ADGRL3: variants seen among roughly 807,000 people sequenced by gnomAD.
The protein encoded by ADGRL3 is calcium-independent alpha-latrotoxin receptor 3.
Under a neutral mutation model 153.5 loss-of-function variants are expected in ADGRL3, and 62 were observed. That is an observed-to-expected ratio of 0.40 (90% CI 0.33 to 0.50). The LOEUF (loss-of-function observed/expected upper bound fraction) is 0.50. Among genes scored for constraint, ADGRL3 ranks in the 20% least tolerant of loss-of-function variants. The probability of loss-of-function intolerance (pLI) is 0.47; values close to 1 mark genes in which losing one functional copy is unlikely to be tolerated. For missense variants in ADGRL3, 1,641 were observed against 1,859.4 expected (o/e 0.88, Z 2.16); for synonymous variants, 710 against 672.5 (o/e 1.06, Z -0.86).
intron 13 of ADGRL3, among the ~76,000 whole-genome samples, chr4:61,923,276 G>T (rs374187440): frequency 1.3e-5 from 2 of 152,118 alleles, no homozygotes; most frequent in Non-Finnish European, 1.5e-5. Flanking sequence ...TATAACTTCA[G>T]CTATTATCCT....
chr4:61,690,435 A>G (rs2095519934), intron 6 of ADGRL3, among the ~76,000 whole-genome samples: 1 of 147,120 alleles, frequency 6.8e-6, no homozygotes, highest in African/African-American at 2.5e-5. Flanking sequence ...ACCCTGTCTC[A>G]TTTTTTTTTT....
intron 9 of ADGRL3, among the ~76,000 whole-genome samples, chr4:61,829,650 T>C (rs1177804632): frequency 6.6e-6 from 1 of 152,180 alleles, no homozygotes; most frequent in African/African-American, 2.4e-5. Flanking sequence ...ACTGTACACT[T>C]AAAGTTAATT....
chr4:61,461,405 G>C (rs2097815981), intron 2 of ADGRL3, among the ~76,000 whole-genome samples: 1 of 152,014 alleles, frequency 6.6e-6, no homozygotes, highest in East Asian at 1.9e-4. Flanking sequence ...GAAATAATAA[G>C]TGTTTGAGGT....
intron 1 of ADGRL3, among the ~76,000 whole-genome samples, chr4:61,262,833 T>C (rs1250124597): frequency 6.6e-6 from 1 of 152,112 alleles, no homozygotes; most frequent in Non-Finnish European, 1.5e-5. Flanking sequence ...CAATTCTTAT[T>C]TTTGTTATTT....
intron 8 of ADGRL3, among the ~76,000 whole-genome samples, chr4:61,794,906 T>C (rs1285163623): frequency 2.3e-5 from 3 of 130,604 alleles, no homozygotes; most frequent in Admixed American, 7.7e-5. Context: ...AGTTACTTAT[T>C]GTCATTGCTT....
At chr4:61,406,716 G>T (rs944110064) in intron 2 of ADGRL3, among the ~76,000 whole-genome samples, 1 of 151,826 alleles carries the variant, frequency 6.6e-6, no homozygotes, top group African/African-American at 2.4e-5. Context: ...GAGAGGCAAG[G>T]GTAGCTCAGA....
Position 61,383,145 on chromosome 4 carries a change from G to A in ADGRL3, c.-218G>A. The A allele has an allele frequency of 6.7e-6, 1 of 149,964 alleles. No individual in the cohort carries two copies. Among genetic ancestry groups the A allele is most frequent in the Non-Finnish European group, 1.5e-5 (1 of 67,270 alleles). 9.3% of individuals were successfully genotyped at this position (149,964 alleles called of 1,614,324 possible). On this transcript the variant is annotated 5_prime_UTR_variant, in exon 2 of 27. It introduces an in-frame stop codon into an upstream open reading frame of the 5' UTR. Coordinates refer to ENST00000683033, the MANE Select transcript of ADGRL3 (RefSeq NM_001387552.1). Reference sequence around the variant, plus strand: ...TCAGAAATGTTTAATTTGGTAAATTGGAGGAAAAAAACATGGATTTTTAGC... The same window carrying A: ...TCAGAAATGTTTAATTTGGTAAATTAGAGGAAAAAAACATGGATTTTTAGC...
At chr4:61,644,131 T>G in intron 5 of ADGRL3, among the ~76,000 whole-genome samples, 1 of 116,784 alleles carries the variant, frequency 8.6e-6, no homozygotes, top group African/African-American at 3.2e-5. Context: ...GGATCGGTGG[T>G]GATATCCCCT....
chr4:61,676,739 A>G, intron 5 of ADGRL3, 87 bp from the exon 6 acceptor site: 2 of 924,466 alleles, frequency 2.2e-6, no homozygotes, highest in Non-Finnish European at 3.6e-6. Context: ...TCTGTATAAC[A>G]GGAACTAAAA....
intron 1 of ADGRL3, among the ~76,000 whole-genome samples, chr4:61,210,650 C>G (rs1739547582): frequency 6.6e-6 from 1 of 152,034 alleles, no homozygotes; most frequent in South Asian, 2.1e-4. Context: ...TTATTTCTGG[C>G]AAGAATGGAA....
chr4:61,958,150 C>T (rs1445514715), intron 17 of ADGRL3, among the ~76,000 whole-genome samples: 1 of 152,170 alleles, frequency 6.6e-6, no homozygotes, highest in Non-Finnish European at 1.5e-5. Context: ...CTTCTCTAGA[C>T]TGTGACTTCC....
intron 1 of ADGRL3, among the ~76,000 whole-genome samples, chr4:61,354,912 A>G (rs2096132894): frequency 6.6e-6 from 1 of 152,084 alleles, no homozygotes; most frequent in South Asian, 2.1e-4. Context: ...ACTTGCTACA[A>G]CAGGTCAGTC....
chr4:61,489,630 G>A (rs1350632568), intron 2 of ADGRL3, among the ~76,000 whole-genome samples: 3 of 151,884 alleles, frequency 2.0e-5, no homozygotes, highest in Non-Finnish European at 4.4e-5. Flanking sequence ...CTGGAACTCT[G>A]ACAAAAATAT....
chr4:61,494,893 G>A (rs1000156356), intron 2 of ADGRL3, among the ~76,000 whole-genome samples: 1 of 151,972 alleles, frequency 6.6e-6, no homozygotes, highest in Non-Finnish European at 1.5e-5. Flanking sequence ...GCTTCTTATG[G>A]ATTCACATTG....
chr4:61,315,976 C>T (rs1336441412), intron 1 of ADGRL3, among the ~76,000 whole-genome samples: 2 of 152,040 alleles, frequency 1.3e-5, no homozygotes, highest in East Asian at 1.9e-4. Flanking sequence ...AAGACTGAGG[C>T]ACTAGGGATA....
chr4:61,535,772 G>C (rs1010088441), intron 4 of ADGRL3, among the ~76,000 whole-genome samples: 1 of 151,668 alleles, frequency 6.6e-6, no homozygotes, highest in Non-Finnish European at 1.5e-5. Flanking sequence ...TCTTTCTTTG[G>C]CATTGTGCTT....
At chr4:61,406,395 T>C (rs1223694224) in intron 2 of ADGRL3, among the ~76,000 whole-genome samples, 1 of 151,878 alleles carries the variant, frequency 6.6e-6, no homozygotes, top group Non-Finnish European at 1.5e-5. Flanking sequence ...GGAGTACATA[T>C]TGCTTATATA....
At chr4:62,051,951 G>C (rs960185976) in intron 25 of ADGRL3, among the ~76,000 whole-genome samples, 1 of 151,618 alleles carries the variant, frequency 6.6e-6, no homozygotes, top group Non-Finnish European at 1.5e-5. Flanking sequence ...CTTAGGAGTT[G>C]CTGGTGTTCT....
At chr4:62,065,116 T>A (rs1742314450) in intron 25 of ADGRL3, among the ~76,000 whole-genome samples, 1 of 152,092 alleles carries the variant, frequency 6.6e-6, no homozygotes, top group Non-Finnish European at 1.5e-5. Flanking sequence ...CCATTTGTTA[T>A]GTATATATTT....
Sources: gnomAD v4.1 joint callset for allele counts (sites outside exome capture counted in the v4.1 genomes callset) on GRCh38, gnomAD v4.1.1 for gene constraint, MANE v1.5 for transcripts, NCBI Gene and HGNC (gene_info 2026-07-23, HGNC 2026-07-21) for gene names.